Variants in LINGO2 observed in about 807,000 individuals in gnomAD.
LINGO2 encodes leucine-rich repeat and immunoglobulin-like domain-containing nogo receptor-interacting protein 2.
LINGO2 carries 14 observed loss-of-function variants against 30.6 expected under a neutral mutation model. The observed-to-expected ratio is 0.46, with a 90% CI of 0.30 to 0.72. The LOEUF is 0.72. Ranked by LOEUF, LINGO2 falls within the 30% of genes least tolerant of loss-of-function variation. LINGO2 has a pLI of 0.07. For missense variants in LINGO2, 729 were observed against 751.7 expected (o/e 0.97, Z 0.35); for synonymous variants, 317 against 288.5 (o/e 1.10, Z -1.00).
intron 4 of LINGO2, among the ~76,000 whole-genome samples, chr9:28,111,007 C>T (rs1354893735): frequency 3.3e-5 from 5 of 152,080 alleles, no homozygotes; most frequent in Non-Finnish European, 7.4e-5. Context: ...CAATGATAGA[C>T]TGGATAAAGA....
the LINGO2 span, among the ~76,000 whole-genome samples, chr9:29,006,746 C>T: frequency 5.9e-5 from 9 of 151,990 alleles, no homozygotes; most frequent in Admixed American, 4.6e-4. Flanking sequence ...ATAGTACAGT[C>T]GTATCACCTT....
At chr9:29,004,515 C>A in the LINGO2 span, among the ~76,000 whole-genome samples, 2 of 151,884 alleles carry the variant, frequency 1.3e-5, no homozygotes, top group East Asian at 3.9e-4. Flanking sequence ...CTACCACATA[C>A]ATATATTATG....
the LINGO2 span, among the ~76,000 whole-genome samples, chr9:29,152,388 T>C: frequency 1.3e-5 from 2 of 152,082 alleles, no homozygotes; most frequent in African/African-American, 4.8e-5. Flanking sequence ...CTATTCACAA[T>C]AGCAAAAACA....
At chr9:28,022,554 T>C (rs904301720) in intron 4 of LINGO2, among the ~76,000 whole-genome samples, 2 of 152,100 alleles carry the variant, frequency 1.3e-5, no homozygotes, top group African/African-American at 4.8e-5. Context: ...TGAGGTTGAG[T>C]TTCACTGGAT....
Position 28,482,144 on chromosome 9 carries a change from T to C in LINGO2, c.-364-6119A>G, listed in dbSNP as rs576494591. ...AGTCCTTTGGGTATATATCCAGTAA[T>C]GGGATGGCTGGGTCAAATGGTATTT... On this transcript the variant is annotated intron_variant, in intron 1 of 5. Coordinates refer to ENST00000379992, the Ensembl canonical transcript of LINGO2. Among the ~76,000 whole-genome samples the C allele has an allele frequency of 2.7e-3, 407 of 152,124 alleles. 2 individuals are homozygous for C. Among genetic ancestry groups the C allele is most frequent in the African/African-American group, 8.9e-3 (371 of 41,472 alleles).
rs1355640480 is a variant in LINGO2 at position 28,128,799 on chromosome 9, T to C, written c.-86-116394A>G. ...TGATGGTTAATATCAAGTGTCAACT[T>C]GATTGGATTGAAGGATGCAAAGTAT... On this transcript the variant is annotated intron_variant, in intron 4 of 5. Coordinates refer to ENST00000379992, the Ensembl canonical transcript of LINGO2. 2.0e-5 allele frequency among the ~76,000 whole-genome samples: 3 copies of C among 152,184 alleles called. No homozygotes were observed. In the East Asian group the frequency reaches 5.8e-4, roughly 29 times the overall value.
intron 4 of LINGO2, among the ~76,000 whole-genome samples, chr9:28,114,136 T>C (rs2133371226): frequency 1.6e-5 from 1 of 64,256 alleles, no homozygotes; most frequent in South Asian, 8.8e-4. Context: ...TGTTGAATTT[T>C]GTCAAAGGCT....
chr9:28,058,262 A>G (rs1448354107), intron 4 of LINGO2, among the ~76,000 whole-genome samples: 1 of 152,144 alleles, frequency 6.6e-6, no homozygotes, highest in Non-Finnish European at 1.5e-5. Flanking sequence ...GTACAATACA[A>G]TAACTGGTAT....
the LINGO2 span, among the ~76,000 whole-genome samples, chr9:28,816,152 C>G: frequency 6.6e-6 from 1 of 152,326 alleles, no homozygotes; most frequent in East Asian, 1.9e-4. Flanking sequence ...TTAATCTATT[C>G]ATAAGGGTGA....
chr9:28,994,864 T>C, the LINGO2 span, among the ~76,000 whole-genome samples: 131 of 152,238 alleles, frequency 8.6e-4, 1 homozygote, highest in Non-Finnish European at 1.6e-3. Flanking sequence ...ATACAAAAAT[T>C]AATTCAAGAT....
chr9:29,053,153 G>A, the LINGO2 span, among the ~76,000 whole-genome samples: 179 of 151,852 alleles, frequency 1.2e-3, no homozygotes, highest in African/African-American at 4.2e-3. Flanking sequence ...GTAAAATAAA[G>A]TACATATGGA....
At chr9:28,046,281 A>AC (rs1824417683) in intron 4 of LINGO2, among the ~76,000 whole-genome samples, 1 of 152,160 alleles carries the variant, frequency 6.6e-6, no homozygotes, top group Non-Finnish European at 1.5e-5. Context: ...TCTGTACAGG[A>AC]CCATTAAGAA....
In LINGO2 at chr9:28,622,139, T is replaced by A. The variant is rs141799122; in HGVS notation, c.-365+48061A>T. Among the ~76,000 whole-genome samples, 347 of 152,176 alleles carry A rather than the reference T, an allele frequency of 2.3e-3. 3 individuals carry two copies. The highest frequency in any genetic ancestry group is 3.9e-3 in the Non-Finnish European group (263 of 67,950). On this transcript the variant is annotated intron_variant, in intron 1 of 5. Transcript: ENST00000379992. ...CAAATGAGGTATCCATCCTCTCAAC[T>A]GTGTTACAAACAACCCAGTTATATT...
At chr9:28,065,050 C>CAA (rs1203292738) in intron 4 of LINGO2, among the ~76,000 whole-genome samples, 4 of 151,742 alleles carry the variant, frequency 2.6e-5, no homozygotes, top group East Asian at 3.9e-4. Context: ...GAGGACAAGA[C>CAA]AAGCTTTCTT....
At chr9:28,124,104 C>T (rs1358042956) in intron 4 of LINGO2, among the ~76,000 whole-genome samples, 1 of 152,196 alleles carries the variant, frequency 6.6e-6, no homozygotes, top group Non-Finnish European at 1.5e-5. Flanking sequence ...ACTGTGGATT[C>T]TCTCAAGGAG....
the LINGO2 span, among the ~76,000 whole-genome samples, chr9:28,738,342 T>C: frequency 6.6e-6 from 1 of 152,128 alleles, no homozygotes; most frequent in African/African-American, 2.4e-5. Flanking sequence ...AAATAAACCA[T>C]ATTAATACAC....
intron 4 of LINGO2, among the ~76,000 whole-genome samples, chr9:28,156,513 G>A (rs563294783): frequency 2.0e-5 from 3 of 152,272 alleles, no homozygotes; most frequent in East Asian, 1.9e-4. Context: ...GAGGTTTAAC[G>A]TTTACTGGGA....
chr9:29,111,873 GTA>G, the LINGO2 span, among the ~76,000 whole-genome samples: 4 of 149,652 alleles, frequency 2.7e-5, no homozygotes, highest in African/African-American at 9.8e-5. Flanking sequence ...ATATATGTGT[GTA>G]TATATACATA....
At chr9:28,160,792 G>A (rs959739606) in intron 4 of LINGO2, among the ~76,000 whole-genome samples, 17 of 152,222 alleles carry the variant, frequency 1.1e-4, no homozygotes, top group African/African-American at 3.1e-4. Context: ...ATAAATAAAC[G>A]AACTGAGTAT....
Sources: allele counts gnomAD v4.1 joint callset (sites outside exome capture counted in the v4.1 genomes callset), GRCh38; gene constraint gnomAD v4.1.1; transcripts MANE v1.5; gene names NCBI Gene and HGNC (gene_info 2026-07-23, HGNC 2026-07-21).